The following XPNPEP3 variants were observed in gnomAD, a reference collection of about 807,000 sequenced individuals.
XPNPEP3 encodes X-prolyl aminopeptidase 3, also known as xaa-Pro aminopeptidase 3.
Under a neutral mutation model 60.0 loss-of-function variants are expected in XPNPEP3, and 41 were observed. The observed-to-expected ratio is 0.68, with a 90% CI of 0.53 to 0.89. The LOEUF (loss-of-function observed/expected upper bound fraction) is 0.89, where lower values mean the gene tolerates loss of function less well. Among genes scored for constraint, XPNPEP3 ranks in the 40% least tolerant of loss-of-function variants. The pLI is 0.00. For synonymous variants in XPNPEP3, 212 were observed against 223.2 expected (o/e 0.95, Z 0.45); for missense variants, 598 against 638.9 (o/e 0.94, Z 0.69).
chr22:40,874,202 TG>T (rs2058018904), intron 2 of XPNPEP3, among the ~76,000 whole-genome samples: 1 of 152,124 alleles, frequency 6.6e-6, no homozygotes, highest in African/African-American at 2.4e-5. Context: ...AAGGCCGTAG[TG>T]AGCCATGATT....
At chr22:40,921,265 G>A in intron 7 of XPNPEP3, among the ~76,000 whole-genome samples, 1 of 152,082 alleles carries the variant, frequency 6.6e-6, no homozygotes, top group Admixed American at 6.6e-5. Context: ...TTCTCAGACG[G>A]GGGTGGAAGG....
At chr22:40,886,236 C>A in intron 3 of XPNPEP3, 77 bp from the exon 4 acceptor site, 1 of 1,458,466 alleles carries the variant, frequency 6.9e-7, no homozygotes, top group Non-Finnish European at 9.5e-7. Context: ...GACTCTTGTT[C>A]AAGTCGTTAT....
intron 1 of XPNPEP3, among the ~76,000 whole-genome samples, chr22:40,865,259 A>C (rs1273004049): frequency 6.6e-6 from 1 of 150,386 alleles, no homozygotes; most frequent in Non-Finnish European, 1.5e-5. Flanking sequence ...ATGTTACCAT[A>C]TCCAGTGGTT....
intron 1 of XPNPEP3, among the ~76,000 whole-genome samples, chr22:40,858,712 A>G (rs2057921818): frequency 1.3e-5 from 2 of 151,690 alleles, no homozygotes; most frequent in East Asian, 1.9e-4. Context: ...ATGTGTTTTT[A>G]GTAGAGATGG....
intron 7 of XPNPEP3, among the ~76,000 whole-genome samples, chr22:40,920,589 A>T (rs1285745095): frequency 5.3e-5 from 8 of 152,304 alleles, no homozygotes. Context: ...TGTTTCAGCC[A>T]GCTAGGCAAC....
intron 1 of XPNPEP3, among the ~76,000 whole-genome samples, chr22:40,858,295 C>G (rs1267147463): frequency 6.7e-6 from 1 of 149,280 alleles, no homozygotes; most frequent in Non-Finnish European, 1.5e-5. Context: ...GTAGTAGAAA[C>G]CAGGTTTTGC....
At position 40,929,431 on chromosome 22, in the gene XPNPEP3, T is replaced by C. The variant is rs926321173; in HGVS notation, c.*2996T>C. 6.6e-6 allele frequency: 1 copy of C among 152,120 alleles called. No homozygotes were observed. The highest frequency in any genetic ancestry group is 1.5e-5 in the Non-Finnish European group (1 of 68,038). 9.4% of individuals were successfully genotyped at this position (152,120 alleles called of 1,614,324 possible). On this transcript the variant is annotated 3_prime_UTR_variant, in exon 10 of 10. Transcript: ENST00000357137. ...TGGTCTCGAACTCCTGACCTCATGA[T>C]CTGCCCGCCTCGGCCTCCCTAAGTG...
chr22:40,860,005 A>G (rs992206723), intron 1 of XPNPEP3: 4 of 152,226 alleles, frequency 2.6e-5, no homozygotes, highest in African/African-American at 9.6e-5. Flanking sequence ...ATTCAGGATA[A>G]GACTGGCCTT....
intron 1 of XPNPEP3, chr22:40,861,451 C>T: frequency 1.2e-6 from 2 of 1,614,086 alleles, no homozygotes; most frequent in Non-Finnish European, 1.7e-6. Flanking sequence ...ATGTAGTTGT[C>T]CATCCCACTA....
At chr22:40,861,994 T>A (rs773866872) in intron 1 of XPNPEP3, 1 of 1,583,264 alleles carries the variant, frequency 6.3e-7, no homozygotes, top group South Asian at 1.2e-5. Flanking sequence ...TAATCCACCA[T>A]GTTTTAACAG....
At chr22:40,870,414 T>C (rs972604960) in intron 2 of XPNPEP3, 3 of 182,386 alleles carry the variant, frequency 1.6e-5, no homozygotes, top group East Asian at 1.6e-4. Flanking sequence ...TAAATAAATA[T>C]GTACACGTAT....
At chr22:40,867,297 T>G (rs1210022685) in intron 1 of XPNPEP3, among the ~76,000 whole-genome samples, 1 of 152,202 alleles carries the variant, frequency 6.6e-6, no homozygotes, top group East Asian at 1.9e-4. Context: ...TCATAATCTT[T>G]GCTCTTATCC....
At chr22:40,900,268 A>G (rs1334583805) in intron 4 of XPNPEP3, among the ~76,000 whole-genome samples, 1 of 151,762 alleles carries the variant, frequency 6.6e-6, no homozygotes, top group African/African-American at 2.4e-5. Flanking sequence ...ACTTCTCTAC[A>G]TCAAAGGGTA....
At chr22:40,901,313 C>G (rs2058132013) in intron 4 of XPNPEP3, among the ~76,000 whole-genome samples, 1 of 146,634 alleles carries the variant, frequency 6.8e-6, no homozygotes. Context: ...CTGCTCACCG[C>G]AACCTCCACC....
chr22:40,857,878 G>C (rs1159428178), intron 1 of XPNPEP3, among the ~76,000 whole-genome samples: 1 of 152,150 alleles, frequency 6.6e-6, no homozygotes, highest in Non-Finnish European at 1.5e-5. Flanking sequence ...GTCAATATAT[G>C]AACAATGTGT....
intron 2 of XPNPEP3, among the ~76,000 whole-genome samples, chr22:40,881,005 T>G (rs758555465): frequency 1.2e-4 from 18 of 152,216 alleles, no homozygotes; most frequent in South Asian, 2.1e-4. Context: ...TGGTGATGGT[T>G]GCACAATTAT....
At chr22:40,900,481 C>T (rs2058127632) in intron 4 of XPNPEP3, among the ~76,000 whole-genome samples, 1 of 151,986 alleles carries the variant, frequency 6.6e-6, no homozygotes, top group Non-Finnish European at 1.5e-5. Flanking sequence ...TGGCGGGTGC[C>T]TGTAATCCCA....
intron 2 of XPNPEP3, among the ~76,000 whole-genome samples, chr22:40,880,028 CAAAAAAAAAA>C (rs963115248): frequency 1.9e-5 from 1 of 52,862 alleles, no homozygotes; most frequent in Non-Finnish European, 3.8e-5. Context: ...CTCTGTCTCC[CAAAAAAAAAA>C]AAAAAAAAAA....
chr22:40,929,291 A>G lies in XPNPEP3; in HGVS notation c.*2856A>G, dbSNP rs1284135887. On this transcript the variant is annotated 3_prime_UTR_variant, in exon 10 of 10. Transcript: ENST00000357137. ...CCTGCAACCTCCATCTCCCAGGTTCAAGCGATTCTCCTGCCTCAGCCTCCC... is the reference window on the plus strand; with the variant it reads ...CCTGCAACCTCCATCTCCCAGGTTCGAGCGATTCTCCTGCCTCAGCCTCCC... 6.7e-6 allele frequency: 1 copy of G among 149,872 alleles called. No individual in the cohort carries two copies. The highest frequency in any genetic ancestry group is 2.0e-4 in the East Asian group (1 of 5,100). The allele number at this position is 149,872 out of a possible 1,614,324, so 9.3% of individuals were successfully genotyped here. A position where few individuals can be genotyped will look rare whatever the true frequency, so the allele number is the denominator to read the frequency against.
Sources: allele counts gnomAD v4.1 joint callset (sites outside exome capture counted in the v4.1 genomes callset), GRCh38; gene constraint gnomAD v4.1.1; transcripts MANE v1.5; gene names NCBI Gene and HGNC (gene_info 2026-07-23, HGNC 2026-07-21).